The following MFHAS1 variants were observed in gnomAD, a reference collection of about 807,000 sequenced individuals.
The protein encoded by MFHAS1 is malignant fibrous histiocytoma-amplified sequence 1.
MFHAS1 carries 50 observed loss-of-function variants against 70.4 expected under a neutral mutation model. The observed-to-expected ratio is 0.71, with a 90% CI of 0.57 to 0.90. The LOEUF is 0.90. MFHAS1 is among the 40% of genes least tolerant of loss of function. The probability of loss-of-function intolerance (pLI) is 0.00; values close to 1 mark genes in which losing one functional copy is unlikely to be tolerated. For missense variants in MFHAS1, 1,795 were observed against 1,347.6 expected (o/e 1.33, Z -5.20); for synonymous variants, 952 against 620.0 (o/e 1.54, Z -7.96).
At chr8:8,879,127 T>A (rs1357389466) in intron 1 of MFHAS1, among the ~76,000 whole-genome samples, 1 of 152,070 alleles carries the variant, frequency 6.6e-6, no homozygotes, top group African/African-American at 2.4e-5. Flanking sequence ...GGCAGGAGGA[T>A]CACTTGAGGT....
intron 1 of MFHAS1, among the ~76,000 whole-genome samples, chr8:8,882,343 T>G (rs1028283870): frequency 2.6e-5 from 4 of 152,100 alleles, no homozygotes; most frequent in Admixed American, 1.3e-4. Context: ...TGAGCTCAGA[T>G]AGTGGCACTG....
At chr8:8,827,941 T>G (rs981295153) in intron 1 of MFHAS1, among the ~76,000 whole-genome samples, 1 of 152,248 alleles carries the variant, frequency 6.6e-6, no homozygotes, top group Non-Finnish European at 1.5e-5. Context: ...TTATGTAGTT[T>G]ATTTTTATCT....
intron 1 of MFHAS1, among the ~76,000 whole-genome samples, chr8:8,826,036 C>G (rs1224959297): frequency 6.6e-6 from 1 of 152,182 alleles, no homozygotes; most frequent in Non-Finnish European, 1.5e-5. Flanking sequence ...CCAAGAGGTT[C>G]TGATAATGGA....
At chr8:8,834,140 AC>A (rs1807513473) in intron 1 of MFHAS1, among the ~76,000 whole-genome samples, 9 of 151,832 alleles carry the variant, frequency 5.9e-5, no homozygotes, top group African/African-American at 2.2e-4. Context: ...AACAAAAAAA[AC>A]AAAACAAACA....
intron 1 of MFHAS1, among the ~76,000 whole-genome samples, chr8:8,889,191 C>T (rs1032880793): frequency 6.6e-6 from 1 of 152,124 alleles, no homozygotes; most frequent in Non-Finnish European, 1.5e-5. Flanking sequence ...TAAGCACTGC[C>T]AGAAAGCTTC....
chr8:8,823,789 T>C (rs545781285), intron 1 of MFHAS1, among the ~76,000 whole-genome samples: 1 of 145,766 alleles, frequency 6.9e-6, no homozygotes, highest in Non-Finnish European at 1.5e-5. Flanking sequence ...ATCTCTGATG[T>C]AGCACAGAAG....
intron 1 of MFHAS1, among the ~76,000 whole-genome samples, chr8:8,843,620 G>A (rs1807922266): frequency 6.6e-6 from 1 of 152,122 alleles, no homozygotes; most frequent in African/African-American, 2.4e-5. Context: ...AAGTGAGAGA[G>A]AAAGCAGGGA....
At chr8:8,875,165 T>G (rs1004784542) in intron 1 of MFHAS1, among the ~76,000 whole-genome samples, 11 of 152,128 alleles carry the variant, frequency 7.2e-5, no homozygotes, top group African/African-American at 2.4e-4. Context: ...AAACGTGCAT[T>G]GAGATTTAAT....
rs1171606241 is a variant in MFHAS1 at position 8,892,579 on chromosome 8, C to G, written c.480G>C (p.Leu160=). Residue 160 remains leucine, a synonymous_variant, in exon 1 of 3, where the codon CTG becomes CTC. Transcript: ENST00000276282. The surrounding 1 kb of genome is among the most constrained non-coding windows in gnomAD (Gnocchi z 4.7). ...LPAQLGALAH[L]EELDVSFNRL... ...GGTTAAAGCTGACATCCAGCTCCTCCAGGTGAGCGAGAGCGCCCAGCTGGG... is the reference window on the plus strand; with the variant it reads ...GGTTAAAGCTGACATCCAGCTCCTCGAGGTGAGCGAGAGCGCCCAGCTGGG... 6.2e-7 allele frequency: 1 copy of G among 1,607,706 alleles called. No individual in the cohort carries two copies. Among genetic ancestry groups the G allele is most frequent in the Admixed American group, 1.7e-5 (1 of 58,872 alleles).
At chr8:8,801,610 T>C (rs1199577363) in intron 1 of MFHAS1, among the ~76,000 whole-genome samples, 1 of 152,268 alleles carries the variant, frequency 6.6e-6, no homozygotes, top group Non-Finnish European at 1.5e-5. Flanking sequence ...GAAGAATGGT[T>C]TATTTGTGTG....
intron 1 of MFHAS1, among the ~76,000 whole-genome samples, chr8:8,813,928 C>T (rs1011398209): frequency 5.9e-5 from 9 of 151,616 alleles, no homozygotes; most frequent in Non-Finnish European, 1.0e-4. Context: ...AGGTGTATAC[C>T]ACATTTTTAT....
At chr8:8,848,851 C>T (rs1018696495) in intron 1 of MFHAS1, among the ~76,000 whole-genome samples, 5 of 152,088 alleles carry the variant, frequency 3.3e-5, no homozygotes, top group African/African-American at 9.7e-5. Flanking sequence ...AGTCGGTTTC[C>T]GTTCTCAAAG....
intron 1 of MFHAS1, among the ~76,000 whole-genome samples, chr8:8,858,796 T>C (rs1808550711): frequency 6.6e-6 from 1 of 152,120 alleles, no homozygotes; most frequent in Middle Eastern, 3.2e-3. Flanking sequence ...TTCAAATCTA[T>C]GTTGTTCAAG....
At chr8:8,809,457 C>G (rs1806465433) in intron 1 of MFHAS1, among the ~76,000 whole-genome samples, 3 of 152,124 alleles carry the variant, frequency 2.0e-5, no homozygotes. Flanking sequence ...CTTACACCAT[C>G]CTCTCCTCAC....
At chr8:8,821,066 G>A (rs913563214) in intron 1 of MFHAS1, among the ~76,000 whole-genome samples, 3 of 152,162 alleles carry the variant, frequency 2.0e-5, no homozygotes, top group African/African-American at 7.2e-5. Context: ...GAGGCCTCTG[G>A]GTCTCAGTTC....
chr8:8,858,975 G>C (rs1248301936), intron 1 of MFHAS1, among the ~76,000 whole-genome samples: 1 of 152,206 alleles, frequency 6.6e-6, no homozygotes, highest in Non-Finnish European at 1.5e-5. Flanking sequence ...AGCTCCAGCG[G>C]ATGTTACTTC....
At chr8:8,848,232 T>C (rs1808105113) in intron 1 of MFHAS1, among the ~76,000 whole-genome samples, 1 of 152,214 alleles carries the variant, frequency 6.6e-6, no homozygotes, top group Admixed American at 6.5e-5. Context: ...CCTGCTGTTC[T>C]CATCTCTTTA....
At chr8:8,789,708 G>A (rs1805664373) in intron 2 of MFHAS1, among the ~76,000 whole-genome samples, 1 of 152,102 alleles carries the variant, frequency 6.6e-6, no homozygotes. Flanking sequence ...TCCTAGAGAT[G>A]GTAAAACAAT....
At chr8:8,823,824 A>C (rs989769049) in intron 1 of MFHAS1, among the ~76,000 whole-genome samples, 2 of 142,168 alleles carry the variant, frequency 1.4e-5, no homozygotes, top group Non-Finnish European at 3.0e-5. Context: ...GAAAAGAAAG[A>C]ATCTCGCCTC....
Sources: gnomAD v4.1 joint callset for allele counts (sites outside exome capture counted in the v4.1 genomes callset) on GRCh38, gnomAD v4.1.1 for gene constraint, Gnocchi (gnomAD v3.1) non-coding constraint, MANE v1.5 for transcripts, NCBI Gene and HGNC (gene_info 2026-07-23, HGNC 2026-07-21) for gene names.